Variants in SERHL2 observed in about 807,000 individuals in gnomAD.
SERHL2 encodes serine hydrolase like 2, also known as serine hydrolase-like protein 2.
A neutral mutation model predicts 25.5 loss-of-function variants in SERHL2; 29 were observed. The ratio of observed to expected loss-of-function variants is 1.14; its 90% confidence interval spans 0.85 to 1.55. The LOEUF is 1.55. Among genes scored for constraint, SERHL2 ranks in the 40% most tolerant of loss-of-function variants. SERHL2 has a pLI of 0.00. For missense variants in SERHL2, 240 were observed against 252.3 expected (o/e 0.95, Z 0.33); for synonymous variants, 95 against 103.5 (o/e 0.92, Z 0.50).
Position 42,563,188 on chromosome 22 carries a change from T to C in SERHL2, c.613+2923T>C, listed in dbSNP as rs539899063. ...AGCAAGACCCTGGCTTTTTCTTTTT[T>C]TCTTTTTTTTTTTTTTTGTTGTTGT... On this transcript the variant is annotated intron_variant, in intron 8 of 11. Transcript: ENST00000327678. Among the ~76,000 whole-genome samples, 12 of 105,740 alleles carry C rather than the reference T, an allele frequency of 1.1e-4. 1 individual carries two copies. Among genetic ancestry groups the C allele is most frequent in the Non-Finnish European group, 1.9e-4 (11 of 59,042 alleles). The allele number at this position is 105,740 out of a possible 152,430, so 69.4% of individuals were successfully genotyped here.
chr22:42,572,234 T>C (rs141704349), intron 10 of SERHL2, among the ~76,000 whole-genome samples: 1,642 of 152,184 alleles, frequency 0.011, 29 homozygotes, highest in African/African-American at 0.038. Context: ...CATTCACTTG[T>C]GCCTGGCTTG....
At chr22:42,570,145 G>GGT (rs1923965646) in intron 9 of SERHL2, 1 of 152,198 alleles carries the variant, frequency 6.6e-6, no homozygotes, top group Non-Finnish European at 1.5e-5. Context: ...CCCAAGGCTG[G>GGT]GTGTGGTGGC....
intron 8 of SERHL2, among the ~76,000 whole-genome samples, chr22:42,565,679 G>A (rs908937835): frequency 2.0e-5 from 3 of 150,936 alleles, no homozygotes; most frequent in African/African-American, 4.9e-5. Context: ...CATTGCCCAC[G>A]CTGGTCTCAA....
In SERHL2 at chr22:42,553,964, C is replaced by T. The variant is rs906869625; in HGVS notation, c.-57C>T. The T allele has an allele frequency of 3.1e-6, 5 of 1,607,430 alleles. No individual in the cohort carries two copies. In the South Asian group the frequency reaches 3.3e-5, roughly 11 times the overall value. On this transcript the variant is annotated 5_prime_UTR_variant, in exon 1 of 12. Coordinates refer to ENST00000327678, the MANE Select transcript of SERHL2 (RefSeq NM_014509.5). ...CCGGAATTGCGGGCGTCACTCTGCTCCTGCGACCTAGCCAGGCGTGAGGGA... is the reference window on the plus strand; with the variant it reads ...CCGGAATTGCGGGCGTCACTCTGCTTCTGCGACCTAGCCAGGCGTGAGGGA...
In SERHL2 at chr22:42,560,843, G is replaced by C. The variant is rs983770062; in HGVS notation, c.613+578G>C. ...CTCCACCTCCCGGGCTCCAGAGATC[G>C]TCCCACCTCAGCCTCCTGAGTAGCT... On this transcript the variant is annotated intron_variant, in intron 8 of 11. Transcript: ENST00000327678. Among the ~76,000 whole-genome samples, 9 of 151,878 alleles carry C rather than the reference G, an allele frequency of 5.9e-5. 1 individual carries two copies. The highest frequency in any genetic ancestry group is 1.2e-4 in the Non-Finnish European group (8 of 67,926).
chr22:42,558,913 A>G (rs557508033), intron 7 of SERHL2, among the ~76,000 whole-genome samples: 48 of 11,800 alleles, frequency 4.1e-3, no homozygotes, highest in African/African-American at 0.015. Context: ...AGGCATGTGA[A>G]CTCCGCAACC....
chr22:42,571,359 G>C (rs1240120523), intron 10 of SERHL2, 156 bp downstream of exon 10: 1 of 1,464,364 alleles, frequency 6.8e-7, no homozygotes, highest in Non-Finnish European at 9.0e-7. Context: ...CTGGCAGCAG[G>C]GTCATGGAAG....
intron 7 of SERHL2, among the ~76,000 whole-genome samples, chr22:42,559,643 C>G (rs554665536): frequency 2.6e-5 from 4 of 151,482 alleles, no homozygotes; most frequent in African/African-American, 9.7e-5. Flanking sequence ...GGCATGAACC[C>G]GGGAGGCAGA....
intron 11 of SERHL2, chr22:42,573,464 T>A: frequency 6.2e-6 from 1 of 160,028 alleles, no homozygotes; most frequent in South Asian, 1.7e-4. Context: ...AGGATGCTCT[T>A]GATCTCCTGA....
chr22:42,572,085 C>T (rs990553971), intron 10 of SERHL2, among the ~76,000 whole-genome samples: 3 of 151,992 alleles, frequency 2.0e-5, no homozygotes, highest in Non-Finnish European at 2.9e-5. Flanking sequence ...AGACTATCAA[C>T]GGGAGGATTG....
chr22:42,569,989 C>CAGAA (rs1569283052), intron 9 of SERHL2: 1 of 152,016 alleles, frequency 6.6e-6, no homozygotes, highest in African/African-American at 2.4e-5. Flanking sequence ...TGAAGCTTCT[C>CAGAA]CTCTGTACTC....
At chr22:42,560,907 A>G (rs1922601868) in intron 8 of SERHL2, among the ~76,000 whole-genome samples, 1 of 151,354 alleles carries the variant, frequency 6.6e-6, no homozygotes, top group Non-Finnish European at 1.5e-5. Context: ...GGCCCAGGAA[A>G]TCTTTTGTAA....
At chr22:42,562,394 G>T (rs1321675477) in intron 8 of SERHL2, among the ~76,000 whole-genome samples, 1 of 151,874 alleles carries the variant, frequency 6.6e-6, no homozygotes. Flanking sequence ...CCAAGGTCAA[G>T]GCCTCGGCAG....
intron 8 of SERHL2, among the ~76,000 whole-genome samples, chr22:42,560,859 C>T (rs950078150): frequency 1.3e-5 from 2 of 152,102 alleles, no homozygotes; most frequent in African/African-American, 4.8e-5. Flanking sequence ...CCTCAGCCTC[C>T]TGAGTAGCTG....
At chr22:42,568,561 T>G (rs375855642) in intron 9 of SERHL2, among the ~76,000 whole-genome samples, 21 of 152,056 alleles carry the variant, frequency 1.4e-4, no homozygotes, top group African/African-American at 2.9e-4. Context: ...GGAAGGAAGA[T>G]GGTTCCCAGG....
intron 8 of SERHL2, among the ~76,000 whole-genome samples, chr22:42,564,211 T>C (rs1423992696): frequency 1.3e-5 from 2 of 151,718 alleles, no homozygotes; most frequent in Admixed American, 1.3e-4. Flanking sequence ...TGGATCCTTA[T>C]CTAGTATACA....
intron 7 of SERHL2, 119 bp from the exon 8 acceptor site, chr22:42,560,067 C>T (rs1411804655): frequency 1.1e-5 from 8 of 736,896 alleles, no homozygotes; most frequent in African/African-American, 3.4e-5. Flanking sequence ...CCATCTTGTC[C>T]TCCCAAAGTG....
chr22:42,566,272 T>C, intron 8 of SERHL2, 32 bp from the exon 9 acceptor site: 1 of 1,605,884 alleles, frequency 6.2e-7, no homozygotes, highest in Admixed American at 1.7e-5. Context: ...TGGACAGCAT[T>C]GACGCTGCTG....
At chr22:42,563,023 C>T (rs1569277192) in intron 8 of SERHL2, among the ~76,000 whole-genome samples, 1 of 151,690 alleles carries the variant, frequency 6.6e-6, no homozygotes, top group Non-Finnish European at 1.5e-5. Flanking sequence ...GGGAGACACC[C>T]CCATCTCTAC....
Sources: gnomAD v4.1 joint callset for allele counts (sites outside exome capture counted in the v4.1 genomes callset) on GRCh38, gnomAD v4.1.1 for gene constraint, MANE v1.5 for transcripts, NCBI Gene and HGNC (gene_info 2026-07-23, HGNC 2026-07-21) for gene names.